Variants in ZNF407 observed in about 807,000 individuals in gnomAD.
The protein encoded by ZNF407 is zinc finger protein 407.
ZNF407 carries 17 observed loss-of-function variants against 131.2 expected under a neutral mutation model. The ratio of observed to expected loss-of-function variants is 0.13; its 90% CI spans 0.09 to 0.19. The LOEUF is 0.19. Among genes scored for constraint, ZNF407 ranks in the 10% least tolerant of loss-of-function variants. The pLI is 1.00. For missense variants in ZNF407, 2,681 were observed against 2,830.6 expected (o/e 0.95, Z 1.20); for synonymous variants, 1,156 against 1,062.0 (o/e 1.09, Z -1.72).
chr18:74,929,089 A>C (rs2054485588), intron 8 of ZNF407, among the ~76,000 whole-genome samples: 2 of 152,194 alleles, frequency 1.3e-5, no homozygotes, highest in African/African-American at 4.8e-5. Flanking sequence ...ACTGGCTCTC[A>C]GGCTCCCGGC....
At chr18:74,880,061 G>T (rs1971216913) in intron 5 of ZNF407, among the ~76,000 whole-genome samples, 1 of 152,180 alleles carries the variant, frequency 6.6e-6, no homozygotes, top group Non-Finnish European at 1.5e-5. Context: ...GTTAAAGATA[G>T]ATACAAATGA....
rs751455269 is a variant in ZNF407 at position 74,632,004 on chromosome 18, G to A, written c.985G>A (p.Asp329Asn). The change falls in exon 2 of 9, where the codon GAT becomes AAT. Residue 329 changes from aspartate (D) to asparagine (N), a missense_variant. Asp to Asn is a conservative substitution (Grantham distance 23). Coordinates refer to ENST00000299687, the MANE Select transcript of ZNF407 (RefSeq NM_017757.3). ...GLRNVGSTFK[D>N]FRGSISKQSG... ...ACGAAATGTGGGAAGCACGTTTAAAGATTTCAGAGGAAGTATTTCTAAACA... is the reference window on the plus strand; with the variant it reads ...ACGAAATGTGGGAAGCACGTTTAAAAATTTCAGAGGAAGTATTTCTAAACA... 6.2e-7 allele frequency: 1 copy of A among 1,613,922 alleles called. No individual in the cohort carries two copies.
At position 74,686,475 on chromosome 18, in the gene ZNF407, A is replaced by G. The variant is rs180756614; in HGVS notation, c.4802+45353A>G. ...GTGGCACTGCCAGGCCCAGGTCTGT[A>G]TTGTCCTTTCCTGGCCTGTTCATTG... On this transcript the variant is annotated intron_variant, in intron 3 of 8. Coordinates refer to ENST00000299687, the MANE Select transcript of ZNF407 (RefSeq NM_017757.3). Among the ~76,000 whole-genome samples the G allele has an allele frequency of 1.2e-4, 19 of 152,160 alleles. No individual in the cohort carries two copies. The East Asian group carries it at 3.5e-3, about 28-fold the overall frequency.
intron 1 of ZNF407, among the ~76,000 whole-genome samples, chr18:74,625,201 C>G (rs1448491926): frequency 6.6e-6 from 1 of 151,936 alleles, no homozygotes; most frequent in East Asian, 1.9e-4. Context: ...AAACTTTTTT[C>G]CTTTTGTTTT....
At chr18:74,926,578 C>G (rs1971916920) in intron 8 of ZNF407, among the ~76,000 whole-genome samples, 1 of 152,154 alleles carries the variant, frequency 6.6e-6, no homozygotes, top group Admixed American at 6.5e-5. Flanking sequence ...CCAAGGCAAG[C>G]AATCACCTGA....
chr18:75,021,998 A>C (rs543289983), intron 8 of ZNF407, among the ~76,000 whole-genome samples: 1 of 152,166 alleles, frequency 6.6e-6, no homozygotes, highest in South Asian at 2.1e-4. Context: ...TAGGAAAAAC[A>C]CTACAAACTC....
intron 7 of ZNF407, among the ~76,000 whole-genome samples, chr18:74,918,876 A>C (rs1971809209): frequency 6.6e-6 from 1 of 151,950 alleles, no homozygotes; most frequent in South Asian, 2.1e-4. Flanking sequence ...GAGGGATTTG[A>C]TTTGTTCAGT....
chr18:74,666,539 C>G (rs981695167), intron 3 of ZNF407, among the ~76,000 whole-genome samples: 1 of 152,060 alleles, frequency 6.6e-6, no homozygotes, highest in African/African-American at 2.4e-5. Context: ...CTTGGTTTAC[C>G]TCCTTTGGAT....
At chr18:74,676,238 C>G (rs565601739) in intron 3 of ZNF407, among the ~76,000 whole-genome samples, 6 of 151,834 alleles carry the variant, frequency 4.0e-5, no homozygotes, top group Admixed American at 3.9e-4. Context: ...ATTACAGATG[C>G]ATGCTGCCAC....
chr18:74,598,994 A>G (rs1317096803), intron 1 of ZNF407, among the ~76,000 whole-genome samples: 1 of 152,220 alleles, frequency 6.6e-6, no homozygotes, highest in Non-Finnish European at 1.5e-5. Flanking sequence ...TTTGCAGTCT[A>G]TGCCTGGTGA....
At chr18:74,652,024 C>T (rs1985249294) in intron 3 of ZNF407, among the ~76,000 whole-genome samples, 1 of 152,110 alleles carries the variant, frequency 6.6e-6, no homozygotes, top group Admixed American at 6.6e-5. Context: ...AATTGACTTC[C>T]TGTAGGTAAA....
At chr18:74,694,922 T>C (rs1967315835) in intron 3 of ZNF407, among the ~76,000 whole-genome samples, 1 of 152,190 alleles carries the variant, frequency 6.6e-6, no homozygotes. Context: ...TGTATAATGG[T>C]ATTTCATATA....
Position 74,632,993 on chromosome 18 carries a change from A to G in ZNF407, c.1974A>G (p.Leu658=), listed in dbSNP as rs1984209066. ...TLQSSNSDLV[L]QTLPLSTLES... The stretch of plus-strand genomic sequence containing the variant: ...AATCATCTAACAGTGATTTGGTTTT[A>G]CAGACTTTACCTTTGAGTACTTTAG... The change falls in exon 2 of 9, where the codon TTA becomes TTG. Residue 658 remains leucine (L), a synonymous_variant. Transcript: ENST00000299687. 1 of 1,613,696 alleles carries G rather than the reference A, an allele frequency of 6.2e-7. No homozygotes were observed. The highest frequency in any genetic ancestry group is 1.1e-5 in the South Asian group (1 of 91,064).
At chr18:74,911,552 T>C (rs923914010) in intron 7 of ZNF407, among the ~76,000 whole-genome samples, 60 of 152,358 alleles carry the variant, frequency 3.9e-4, no homozygotes, top group African/African-American at 1.4e-3. Flanking sequence ...GTTGTTTTTT[T>C]AAAAGAAGTG....
rs547904703 is a variant in ZNF407, at chr18:74,777,975, G to A, written c.4803-3453G>A. On this transcript the variant is annotated intron_variant, in intron 3 of 8. Transcript: ENST00000299687. Reference sequence around the variant, plus strand: ...CGCATGGCTTCAGTCCCAGCTACTGGGAAAGCTAAGGTGTGAGGATCCCTT... The same window carrying A: ...CGCATGGCTTCAGTCCCAGCTACTGAGAAAGCTAAGGTGTGAGGATCCCTT... Among the ~76,000 whole-genome samples, 668 of 152,180 alleles carry A rather than the reference G, an allele frequency of 4.4e-3. 4 individuals carry two copies. The highest frequency in any genetic ancestry group is 7.1e-3 in the Non-Finnish European group (485 of 68,016).
At position 75,064,212 on chromosome 18, in the gene ZNF407, C is replaced by G. The variant is rs1220544277; in HGVS notation, c.6491C>G (p.Ser2164Cys). ...AMVQESSGGF[S>C]EGTTHYILTE... Reference sequence around the variant, plus strand: ...GTGCAGGAGTCCAGTGGCGGCTTCTCCGAGGGCACCACGCACTACATCCTG... The same window carrying G: ...GTGCAGGAGTCCAGTGGCGGCTTCTGCGAGGGCACCACGCACTACATCCTG... Residue 2164 changes from serine to cysteine, a missense_variant, in exon 9 of 9, where the codon TCC becomes TGC. By Grantham distance (112) the Ser-to-Cys change is moderately radical. Coordinates refer to ENST00000299687, the MANE Select transcript of ZNF407 (RefSeq NM_017757.3). 6 of 1,605,712 alleles carry G rather than the reference C, an allele frequency of 3.7e-6. No homozygotes were observed. The East Asian group carries it at 1.1e-4, about 30-fold the overall frequency.
chr18:74,797,681 A>AT (rs1969945950), intron 4 of ZNF407, among the ~76,000 whole-genome samples: 1 of 152,180 alleles, frequency 6.6e-6, no homozygotes, highest in Non-Finnish European at 1.5e-5. Context: ...AATTTTAAGG[A>AT]TTTTTAAAAA....
intron 7 of ZNF407, among the ~76,000 whole-genome samples, chr18:74,913,325 A>G (rs1971699635): frequency 6.6e-6 from 1 of 152,248 alleles, no homozygotes; most frequent in Non-Finnish European, 1.5e-5. Context: ...GTGAAGAATC[A>G]GTTAGATAGA....
chr18:74,840,395 A>G (rs1970615982), intron 4 of ZNF407, among the ~76,000 whole-genome samples: 1 of 152,046 alleles, frequency 6.6e-6, no homozygotes, highest in African/African-American at 2.4e-5. Context: ...CCTCCAGGTC[A>G]TATTTCCATC....
Sources: allele counts gnomAD v4.1 joint callset (sites outside exome capture counted in the v4.1 genomes callset), GRCh38; gene constraint gnomAD v4.1.1; transcripts MANE v1.5; gene names NCBI Gene and HGNC (gene_info 2026-07-23, HGNC 2026-07-21).